SPTSSB: variants seen among roughly 807,000 people sequenced by gnomAD.
SPTSSB encodes the protein serine palmitoyltransferase small subunit B, also known as androgen down regulated in mouse prostate.
A neutral mutation model predicts 7.7 loss-of-function variants in SPTSSB; 6 were observed. That is an observed-to-expected ratio of 0.78 (90% CI 0.43 to 1.54). The LOEUF is 1.54. Ranked by LOEUF, SPTSSB falls within the 40% of genes most tolerant of loss-of-function variation. The pLI, the probability that SPTSSB is intolerant of heterozygous loss-of-function variation, is 0.01. For synonymous variants in SPTSSB, 28 were observed against 29.7 expected, an observed-to-expected ratio of 0.94 and a Z score of 0.19; for missense variants, 91 against 93.0, an observed-to-expected ratio of 0.98 and a Z score of 0.09.
chr3:161,360,841 G>A (rs1186420989), intron 1 of SPTSSB, among the ~76,000 whole-genome samples: 1 of 152,146 alleles, frequency 6.6e-6, no homozygotes, highest in African/African-American at 2.4e-5. Context: ...AGGAGTCCCA[G>A]TAAAAATACT....
rs1553804913 is a variant in SPTSSB at position 161,369,304 on chromosome 3, T to TTCTTTC, written c.-126+2125_-126+2130dup. 2.6e-3 allele frequency among the ~76,000 whole-genome samples: 180 copies of TTCTTTC among 68,856 alleles called. 4 individuals carry two copies. The highest frequency in any genetic ancestry group is 0.012 in the African/African-American group (172 of 14,250). 45.2% of individuals were successfully genotyped at this position (68,856 alleles called of 152,430 possible). ...TTCTTTCTTTTCTTTCTTTCTTTCT[T>TTCTTTC]TCTTTCTTTCTCTTTCTTTCTTTCT... On this transcript the variant is annotated intron_variant, in intron 1 of 2. Coordinates refer to ENST00000620149, the MANE Select transcript of SPTSSB (RefSeq NM_001040100.2).
chr3:161,349,080 T>C (rs1229869359), intron 2 of SPTSSB, among the ~76,000 whole-genome samples: 1 of 152,212 alleles, frequency 6.6e-6, no homozygotes, highest in Non-Finnish European at 1.5e-5. Context: ...GGAGAATTCA[T>C]TCATTCATTG....
intron 2 of SPTSSB, chr3:161,347,940 C>A (rs56230831): frequency 1.3e-5 from 2 of 151,962 alleles, no homozygotes; most frequent in African/African-American, 4.8e-5. Context: ...ATTCATTCAC[C>A]GAATGAATAC....
chr3:161,358,751 G>A (rs1251929059), intron 2 of SPTSSB, among the ~76,000 whole-genome samples: 1 of 152,170 alleles, frequency 6.6e-6, no homozygotes, highest in African/African-American at 2.4e-5. Flanking sequence ...CAGACAAACA[G>A]GCTTCAGCAA....
At chr3:161,354,055 C>A (rs1474198482) in intron 2 of SPTSSB, among the ~76,000 whole-genome samples, 1 of 152,074 alleles carries the variant, frequency 6.6e-6, no homozygotes, top group Non-Finnish European at 1.5e-5. Context: ...GAAAATCGAA[C>A]AACCATAGGG....
At chr3:161,358,150 G>A (rs1714859108) in intron 2 of SPTSSB, among the ~76,000 whole-genome samples, 1 of 151,672 alleles carries the variant, frequency 6.6e-6, no homozygotes, top group South Asian at 2.1e-4. Context: ...CAAGTAGGTG[G>A]GAATATAGGC....
At chr3:161,356,651 AT>A (rs1714782762) in intron 2 of SPTSSB, among the ~76,000 whole-genome samples, 1 of 152,172 alleles carries the variant, frequency 6.6e-6, no homozygotes, top group African/African-American at 2.4e-5. Context: ...ACTTCTGCTT[AT>A]TCTTTATTTC....
At chr3:161,363,559 G>A (rs336586) in intron 1 of SPTSSB, among the ~76,000 whole-genome samples, 98,518 of 151,720 alleles carry the variant, frequency 0.65, 34,120 homozygotes, top group East Asian at 0.97. Flanking sequence ...TATCCCCTGA[G>A]ATATCACAAT....
intron 1 of SPTSSB, among the ~76,000 whole-genome samples, chr3:161,361,404 C>G (rs185843150): frequency 1.3e-5 from 2 of 152,060 alleles, no homozygotes; most frequent in Non-Finnish European, 2.9e-5. Context: ...CTCACCGATT[C>G]TAAGATAGTA....
chr3:161,345,557 T>C lies in SPTSSB; in HGVS notation c.*536A>G, dbSNP rs894009190. The stretch of plus-strand genomic sequence containing the variant: ...AAGGAAATAATTGCCTCCAGCTTAT[T>C]CTTTTGCATTTGAAGTAAAAGAATT... On this transcript the variant is annotated 3_prime_UTR_variant, in exon 3 of 3. Transcript: ENST00000620149. 2 of 152,784 alleles carry C rather than the reference T, an allele frequency of 1.3e-5. No individual in the cohort carries two copies. The highest frequency in any genetic ancestry group is 2.9e-5 in the Non-Finnish European group (2 of 68,158). 9.5% of individuals were successfully genotyped at this position (152,784 alleles called of 1,614,324 possible). A position where few individuals can be genotyped will look rare whatever the true frequency, so the allele number is the denominator to read the frequency against.
At chr3:161,346,933 G>A (rs933125904) in intron 2 of SPTSSB, among the ~76,000 whole-genome samples, 2 of 152,176 alleles carry the variant, frequency 1.3e-5, no homozygotes, top group Admixed American at 6.5e-5. Context: ...GCCACAGTGA[G>A]GCCAGAAGCT....
At chr3:161,350,554 G>A (rs1454546916) in intron 2 of SPTSSB, among the ~76,000 whole-genome samples, 1 of 151,982 alleles carries the variant, frequency 6.6e-6, no homozygotes, top group Non-Finnish European at 1.5e-5. Context: ...TTTGGAACCT[G>A]AAAATCTGAG....
chr3:161,366,666 T>C (rs1715232067), intron 1 of SPTSSB, among the ~76,000 whole-genome samples: 1 of 152,208 alleles, frequency 6.6e-6, no homozygotes, highest in Non-Finnish European at 1.5e-5. Context: ...TTATGTAATT[T>C]ACTTATTATT....
chr3:161,368,284 C>G (rs752646430), intron 1 of SPTSSB, among the ~76,000 whole-genome samples: 1 of 152,138 alleles, frequency 6.6e-6, no homozygotes, highest in Non-Finnish European at 1.5e-5. Flanking sequence ...ATACAATTTA[C>G]CTACTTAAAG....
At chr3:161,369,296 TTC>T (rs1223210285) in intron 1 of SPTSSB, among the ~76,000 whole-genome samples, 1 of 68,636 alleles carries the variant, frequency 1.5e-5, no homozygotes, top group Non-Finnish European at 2.5e-5. Flanking sequence ...TTTTCTTTCT[TTC>T]TTTCTTTCTT....
At chr3:161,357,552 G>A (rs1576898700) in intron 2 of SPTSSB, among the ~76,000 whole-genome samples, 3 of 152,224 alleles carry the variant, frequency 2.0e-5, no homozygotes, top group Admixed American at 6.5e-5. Flanking sequence ...TTGGGATTTT[G>A]TAGTAAGTCG....
At chr3:161,368,381 A>G (rs1668515382) in intron 1 of SPTSSB, among the ~76,000 whole-genome samples, 1 of 151,832 alleles carries the variant, frequency 6.6e-6, no homozygotes, top group South Asian at 2.1e-4. Flanking sequence ...CCCCAAGAAG[A>G]CACACTGTAC....
chr3:161,354,420 C>A (rs1158845464), intron 2 of SPTSSB, among the ~76,000 whole-genome samples: 1 of 152,220 alleles, frequency 6.6e-6, no homozygotes, highest in Non-Finnish European at 1.5e-5. Context: ...ACAGTCATTG[C>A]AACCTTGAAC....
intron 1 of SPTSSB, among the ~76,000 whole-genome samples, chr3:161,369,531 T>G (rs1036424903): frequency 6.6e-6 from 1 of 151,634 alleles, no homozygotes; most frequent in Non-Finnish European, 1.5e-5. Context: ...TGTTTCTACC[T>G]GCTCTTTGGA....
Sources: gnomAD v4.1 joint callset for allele counts (sites outside exome capture counted in the v4.1 genomes callset) on GRCh38, gnomAD v4.1.1 for gene constraint, MANE v1.5 for transcripts, NCBI Gene and HGNC (gene_info 2026-07-23, HGNC 2026-07-21) for gene names.